Variants in ARAP2 observed in about 807,000 individuals in gnomAD.
ARAP2 encodes ArfGAP with RhoGAP domain, ankyrin repeat and PH domain 2, also known as arf-GAP with Rho-GAP domain, ANK repeat and PH domain-containing protein 2.
In ARAP2, 148 loss-of-function variants were observed where a neutral mutation model predicts 194.5. The ratio of observed to expected loss-of-function variants is 0.76; its 90% CI spans 0.67 to 0.87. ARAP2 has a LOEUF of 0.87. Among genes scored for constraint, ARAP2 ranks in the 40% least tolerant of loss-of-function variants. ARAP2 has a pLI of 0.00. For synonymous variants in ARAP2, 695 were observed against 683.5 expected (o/e 1.02, Z -0.26); for missense variants, 2,128 against 1,989.7 (o/e 1.07, Z -1.32).
chr4:36,242,032 T>C (rs557148454), intron 1 of ARAP2, among the ~76,000 whole-genome samples: 148 of 152,306 alleles, frequency 9.7e-4, no homozygotes, highest in Non-Finnish European at 1.7e-3. Context: ...ACTGCTTCAT[T>C]TAAAGAAGAA....
chr4:36,124,804 T>G (rs1331308785), intron 22 of ARAP2, 58 bp downstream of exon 22: 9 of 1,059,636 alleles, frequency 8.5e-6, no homozygotes, highest in Middle Eastern at 2.1e-4. Context: ...ACATAAGAAA[T>G]AATGACTTAT....
chr4:36,146,821 C>T (rs138409254), intron 19 of ARAP2, among the ~76,000 whole-genome samples: 49 of 152,138 alleles, frequency 3.2e-4, no homozygotes, highest in African/African-American at 1.2e-3. Flanking sequence ...TCTGTTTACT[C>T]ATCATGATAT....
intron 9 of ARAP2, 152 bp from the exon 10 acceptor site, chr4:36,167,199 T>C (rs902460085): frequency 1.1e-5 from 6 of 566,098 alleles, no homozygotes; most frequent in African/African-American, 9.5e-5. Flanking sequence ...ATAATAGCAC[T>C]GGGCCAACTT....
intron 5 of ARAP2, among the ~76,000 whole-genome samples, chr4:36,021,701 C>T (rs1263051791): frequency 1.3e-5 from 2 of 151,962 alleles, no homozygotes; most frequent in Non-Finnish European, 2.9e-5. Context: ...TTTTTAATAG[C>T]AATGCAAGAA....
intron 26 of ARAP2, among the ~76,000 whole-genome samples, chr4:36,110,788 CA>C (rs1362096481): frequency 6.6e-6 from 1 of 151,794 alleles, no homozygotes; most frequent in Non-Finnish European, 1.5e-5. Context: ...TCACCAACGA[CA>C]GTAATGGCGA....
intron 5 of ARAP2, among the ~76,000 whole-genome samples, chr4:36,032,848 G>A (rs191150338): frequency 1.3e-5 from 2 of 152,118 alleles, no homozygotes; most frequent in East Asian, 1.9e-4. Flanking sequence ...TCAAGTAGGC[G>A]CCAGTGTCTG....
At chr4:36,118,422 C>G (rs1392045445) in intron 24 of ARAP2, among the ~76,000 whole-genome samples, 1 of 150,682 alleles carries the variant, frequency 6.6e-6, no homozygotes, top group Non-Finnish European at 1.5e-5. Context: ...CTCCAGAAGA[C>G]AGTTTTAAAT....
At chr4:36,236,471 A>C (rs1376018263) in intron 1 of ARAP2, among the ~76,000 whole-genome samples, 1 of 152,244 alleles carries the variant, frequency 6.6e-6, no homozygotes, top group Non-Finnish European at 1.5e-5. Flanking sequence ...TCAATCCATT[A>C]AAACAAAAAG....
intron 6 of ARAP2, among the ~76,000 whole-genome samples, chr4:36,195,211 G>T (rs944844688): frequency 3.3e-5 from 5 of 151,996 alleles, no homozygotes; most frequent in African/African-American, 1.2e-4. Flanking sequence ...TGACCACCCA[G>T]CCCTCTTTCC....
At chr4:36,044,097 T>C (rs1249932445) in intron 5 of ARAP2, among the ~76,000 whole-genome samples, 8 of 152,152 alleles carry the variant, frequency 5.3e-5, no homozygotes, top group Admixed American at 5.2e-4. Flanking sequence ...TCGTGGTTTA[T>C]GTTTACATTT....
intron 28 of ARAP2, among the ~76,000 whole-genome samples, chr4:36,090,589 A>C (rs1229289536): frequency 3.3e-5 from 5 of 152,160 alleles, no homozygotes; most frequent in Admixed American, 1.3e-4. Flanking sequence ...CATAAAAAAG[A>C]ATGAGATCAT....
At chr4:36,216,826 A>G (rs372596167) in intron 2 of ARAP2, among the ~76,000 whole-genome samples, 1 of 152,232 alleles carries the variant, frequency 6.6e-6, no homozygotes, top group African/African-American at 2.4e-5. Flanking sequence ...ACTGTCATGC[A>G]TGGTTTAATG....
chr4:36,233,903 G>C (rs755902258), intron 1 of ARAP2, among the ~76,000 whole-genome samples: 1 of 152,172 alleles, frequency 6.6e-6, no homozygotes, highest in African/African-American at 2.4e-5. Context: ...CCTCTTCTCC[G>C]TATTCCTACA....
At chr4:36,141,376 T>C (rs1467384403) in intron 19 of ARAP2, among the ~76,000 whole-genome samples, 1 of 151,656 alleles carries the variant, frequency 6.6e-6, no homozygotes, top group Admixed American at 6.6e-5. Context: ...TTTTAAAGTA[T>C]ACAAGGAATA....
intron 1 of ARAP2, among the ~76,000 whole-genome samples, chr4:36,058,294 C>G (rs1723856571): frequency 6.6e-6 from 1 of 152,188 alleles, no homozygotes; most frequent in African/African-American, 2.4e-5. Flanking sequence ...AAAAGGAAAA[C>G]TAGCTATAGT....
At chr4:36,154,686 A>T (rs1169235071) in intron 15 of ARAP2, among the ~76,000 whole-genome samples, 2 of 152,056 alleles carry the variant, frequency 1.3e-5, no homozygotes, top group African/African-American at 4.8e-5. Flanking sequence ...TTCAAATCTT[A>T]AAAACCTGAA....
intron 1 of ARAP2, among the ~76,000 whole-genome samples, chr4:36,238,724 T>C (rs1047666626): frequency 5.3e-5 from 8 of 152,170 alleles, no homozygotes; most frequent in African/African-American, 9.7e-5. Flanking sequence ...CAATGACAAA[T>C]TAAGGGAGAA....
chr4:36,236,351 G>T (rs1273265319), intron 1 of ARAP2, among the ~76,000 whole-genome samples: 3 of 151,872 alleles, frequency 2.0e-5, no homozygotes, highest in South Asian at 2.1e-4. Context: ...GAAAACCATG[G>T]GTTACTTCAT....
rs928118226 is a variant in ARAP2, at chr4:36,229,106, A to C, written c.381T>G (p.Leu127=). ...TTTCCACACTTGCATCACTGTCTTCAAGATTTTTTCTAACAGTCTCCAACT... is the reference window on the plus strand; with the variant it reads ...TTTCCACACTTGCATCACTGTCTTCCAGATTTTTTCTAACAGTCTCCAACT... ...PPQLETVRKN[L]EDSDASVERS... is the part of the protein sequence containing the mutation. Residue 127 remains leucine (L), a synonymous_variant, in exon 2 of 33, where the codon CTT becomes CTG. Coordinates refer to ENST00000303965, the MANE Select transcript of ARAP2 (RefSeq NM_015230.4). 5 of 1,614,062 alleles carry C rather than the reference A, an allele frequency of 3.1e-6. No homozygotes were observed. Among genetic ancestry groups the C allele is most frequent in the Non-Finnish European group, 4.2e-6 (5 of 1,179,982 alleles).
Sources: allele counts gnomAD v4.1 joint callset (sites outside exome capture counted in the v4.1 genomes callset), GRCh38; gene constraint gnomAD v4.1.1; transcripts MANE v1.5; gene names NCBI Gene and HGNC (gene_info 2026-07-23, HGNC 2026-07-21).